Variants in USP13 observed in about 807,000 individuals in gnomAD.
The protein encoded by USP13 is ubiquitin specific peptidase 13.
A neutral mutation model predicts 107.8 loss-of-function variants in USP13; 68 were observed. The ratio of observed to expected loss-of-function variants is 0.63; its 90% CI spans 0.52 to 0.77. The LOEUF (loss-of-function observed/expected upper bound fraction) is 0.77, where lower values mean the gene tolerates loss of function less well. Ranked by LOEUF, USP13 falls within the 30% of genes least tolerant of loss-of-function variation. The pLI is 0.00. For synonymous variants in USP13, 377 were observed against 389.5 expected, an observed-to-expected ratio of 0.97 and a Z score of 0.38; for missense variants, 945 against 1,093.3, an observed-to-expected ratio of 0.86 and a Z score of 1.91.
intron 13 of USP13, among the ~76,000 whole-genome samples, chr3:179,749,568 T>C (rs1714524242): frequency 6.6e-6 from 1 of 152,198 alleles, no homozygotes; most frequent in South Asian, 2.1e-4. Flanking sequence ...TTTGAACAGA[T>C]ATATATTGAA....
At chr3:179,662,891 G>GC (rs1720494416) in intron 1 of USP13, among the ~76,000 whole-genome samples, 1 of 152,134 alleles carries the variant, frequency 6.6e-6, no homozygotes, top group African/African-American at 2.4e-5. Context: ...TAAAGGAGCG[G>GC]CCATCCATTT....
chr3:179,751,425 C>A (rs989893860), intron 13 of USP13, among the ~76,000 whole-genome samples: 1 of 152,134 alleles, frequency 6.6e-6, no homozygotes, highest in Non-Finnish European at 1.5e-5. Flanking sequence ...GAGGCCCTGG[C>A]ATTTCCAATA....
intron 1 of USP13, among the ~76,000 whole-genome samples, chr3:179,669,144 C>G (rs528825393): frequency 1.3e-5 from 2 of 152,302 alleles, no homozygotes; most frequent in South Asian, 4.1e-4. Context: ...AATCCACCTC[C>G]TGGGCTAGTG....
chr3:179,673,281 G>T (rs1025672836), intron 1 of USP13, among the ~76,000 whole-genome samples: 7 of 152,028 alleles, frequency 4.6e-5, no homozygotes, highest in African/African-American at 1.7e-4. Flanking sequence ...GAGAGAGAGA[G>T]ACCCAATAAC....
chr3:179,780,846 A>G (rs576544268), intron 19 of USP13, among the ~76,000 whole-genome samples: 5 of 152,238 alleles, frequency 3.3e-5, no homozygotes, highest in Non-Finnish European at 7.3e-5. Flanking sequence ...GTAAAAGTGG[A>G]GCACTAGCAA....
In USP13 at chr3:179,653,578, G is replaced by C; in HGVS notation, c.168+185G>C. 1.2e-6 allele frequency: 1 copy of C among 830,230 alleles called. No homozygotes were observed. The allele number at this position is 830,230 out of a possible 1,614,324, so 51.4% of individuals were successfully genotyped here. On this transcript the variant is annotated intron_variant, in intron 1 of 20. Coordinates refer to ENST00000263966, the MANE Select transcript of USP13 (RefSeq NM_003940.3). This position sits in a 1 kb window ranked among gnomAD's most constrained non-coding sequence, Gnocchi z 4.0. The stretch of plus-strand genomic sequence containing the variant: ...CCAGGGCTGCTGCAGCCGAGGACTG[G>C]CTCGTGCTGGTGGTTTTGCTCCGCC...
At chr3:179,780,565 C>A (rs150445495) in intron 19 of USP13, among the ~76,000 whole-genome samples, 314 of 152,238 alleles carry the variant, frequency 2.1e-3, no homozygotes, top group Non-Finnish European at 3.7e-3. Context: ...AACCCCAGAT[C>A]ACCAAAATTC....
At chr3:179,695,861 C>T (rs1175515073) in intron 3 of USP13, among the ~76,000 whole-genome samples, 1 of 152,144 alleles carries the variant, frequency 6.6e-6, no homozygotes, top group Non-Finnish European at 1.5e-5. Flanking sequence ...GAGCCATTAA[C>T]CCTTCGGCTC....
At chr3:179,756,996 C>T in intron 15 of USP13, 56 bp from the exon 16 acceptor site, 1 of 1,598,024 alleles carries the variant, frequency 6.3e-7, no homozygotes, top group African/African-American at 1.3e-5. Context: ...TTTCTTTTTT[C>T]TAAAACTCCT....
intron 19 of USP13, 116 bp downstream of exon 19, chr3:179,765,964 T>G: frequency 9.5e-7 from 1 of 1,055,954 alleles, no homozygotes. Flanking sequence ...TTAGCACAGA[T>G]CCCATCTTCT....
At position 179,721,272 on chromosome 3, in the gene USP13, GTTTA is replaced by G; in HGVS notation, c.901-126_901-123del. 2 of 953,260 alleles carry G rather than the reference GTTTA, an allele frequency of 2.1e-6. No individual in the cohort carries two copies. The highest frequency in any genetic ancestry group is 3.6e-5 in the South Asian group (2 of 56,008). The allele number at this position is 953,260 out of a possible 1,614,324, so 59.1% of individuals were successfully genotyped here. A position where few individuals can be genotyped will look rare whatever the true frequency, so the allele number is the denominator to read the frequency against. On this transcript the variant is annotated intron_variant, in intron 7 of 20. Coordinates refer to ENST00000263966, the MANE Select transcript of USP13 (RefSeq NM_003940.3). This position sits in a 1 kb window ranked among gnomAD's most constrained non-coding sequence, Gnocchi z 4.3. ...TCTCTCAGTCTTTTTTATTTGCATT[GTTTA>G]TTTCTCTATGTAATTGGGGAAAAAA...
intron 3 of USP13, among the ~76,000 whole-genome samples, chr3:179,695,664 A>C (rs1446850760): frequency 6.6e-6 from 1 of 152,138 alleles, no homozygotes; most frequent in African/African-American, 2.4e-5. Context: ...AAAATTGAGA[A>C]GTTATAAAGG....
intron 17 of USP13, among the ~76,000 whole-genome samples, chr3:179,762,073 G>A (rs1302305934): frequency 2.0e-5 from 3 of 152,088 alleles, no homozygotes; most frequent in African/African-American, 7.2e-5. Flanking sequence ...ATACATAATA[G>A]CAGTCACTCC....
At position 179,781,774 on chromosome 3, in the gene USP13, A is replaced by G; in HGVS notation, c.2449A>G (p.Thr817Ala). The G allele has an allele frequency of 6.2e-7, 1 of 1,614,120 alleles. No homozygotes were observed. Among genetic ancestry groups the G allele is most frequent in the Non-Finnish European group, 8.5e-7 (1 of 1,179,994 alleles). ...ATTTGCATTCATCAGTCACATGGGA[A>G]CATCCACAATGAGTGGTCATTACAT... ...ELFAFISHMG[T>A]STMSGHYICH... The change falls in exon 20 of 21, where the codon ACA becomes GCA. Residue 817 changes from threonine to alanine, a missense_variant. Transcript: ENST00000263966.
intron 1 of USP13, among the ~76,000 whole-genome samples, chr3:179,668,669 GC>G (rs1205724114): frequency 1.3e-5 from 2 of 152,102 alleles, no homozygotes; most frequent in Admixed American, 1.3e-4. Flanking sequence ...TAGGTCTCCT[GC>G]CTTGGCCTCC....
intron 19 of USP13, among the ~76,000 whole-genome samples, chr3:179,766,587 C>T (rs751011090): frequency 2.7e-4 from 41 of 152,174 alleles, no homozygotes; most frequent in Non-Finnish European, 5.4e-4. Context: ...CAGGAAGAGG[C>T]GCCATAGGCC....
At chr3:179,767,674 G>A (rs569594992) in intron 19 of USP13, among the ~76,000 whole-genome samples, 1 of 152,290 alleles carries the variant, frequency 6.6e-6, no homozygotes, top group South Asian at 2.1e-4. Context: ...ATTTGACTAG[G>A]AGCTTGCCCA....
chr3:179,732,511 C>T (rs1713842029), intron 10 of USP13, among the ~76,000 whole-genome samples: 1 of 152,082 alleles, frequency 6.6e-6, no homozygotes, highest in South Asian at 2.1e-4. Flanking sequence ...ATGGGCAAGT[C>T]ATGCCACCTT....
intron 6 of USP13, among the ~76,000 whole-genome samples, chr3:179,719,252 G>A (rs1005991471): frequency 1.3e-5 from 2 of 152,146 alleles, no homozygotes; most frequent in African/African-American, 4.8e-5. Context: ...GGGCTGGCTG[G>A]AGTCTTGAGT....
Sources: gnomAD v4.1 joint callset for allele counts (sites outside exome capture counted in the v4.1 genomes callset) on GRCh38, gnomAD v4.1.1 for gene constraint, Gnocchi (gnomAD v3.1) non-coding constraint, MANE v1.5 for transcripts, NCBI Gene and HGNC (gene_info 2026-07-23, HGNC 2026-07-21) for gene names.